Variants in ALX4 observed in about 807,000 individuals in gnomAD.
ALX4 encodes the protein ALX homeobox 4.
Under a neutral mutation model 40.6 loss-of-function variants are expected in ALX4, and 22 were observed. The ratio of observed to expected loss-of-function variants is 0.54; its 90% CI spans 0.39 to 0.77. The LOEUF (loss-of-function observed/expected upper bound fraction) is 0.77. Among genes scored for constraint, ALX4 ranks in the 30% least tolerant of loss-of-function variants. The pLI is 0.00. For synonymous variants in ALX4, 266 were observed against 240.5 expected (o/e 1.11, Z -0.98); for missense variants, 556 against 564.8 (o/e 0.98, Z 0.16).
intron 2 of ALX4, among the ~76,000 whole-genome samples, chr11:44,271,884 A>C (rs10838248): frequency 0.23 from 35,653 of 152,186 alleles, 4,251 homozygotes; most frequent in East Asian, 0.3. Flanking sequence ...GCATGCATGC[A>C]ACCCACATAT....
chr11:44,282,393 T>C (rs1956315090), intron 1 of ALX4, among the ~76,000 whole-genome samples: 1 of 152,172 alleles, frequency 6.6e-6, no homozygotes, highest in Non-Finnish European at 1.5e-5. Flanking sequence ...TCCATCACAG[T>C]GCAAACACTT....
intron 3 of ALX4, among the ~76,000 whole-genome samples, chr11:44,266,838 A>C (rs914995116): frequency 6.6e-6 from 1 of 152,136 alleles, no homozygotes; most frequent in Non-Finnish European, 1.5e-5. Context: ...ACACCTAGGG[A>C]AAATGCTCTG....
chr11:44,292,046 T>C (rs954098729), intron 1 of ALX4, among the ~76,000 whole-genome samples: 5 of 151,276 alleles, frequency 3.3e-5, no homozygotes, highest in Admixed American at 6.6e-5. Flanking sequence ...CTTGAACTCC[T>C]GACCTCGAGA....
intron 1 of ALX4, among the ~76,000 whole-genome samples, chr11:44,297,093 T>A (rs1956407227): frequency 1.4e-5 from 2 of 138,018 alleles, no homozygotes; most frequent in Admixed American, 1.5e-4. Flanking sequence ...GGGTGGGGGG[T>A]CAAGGGTGTG....
At chr11:44,283,291 T>TA (rs1371004930) in intron 1 of ALX4, among the ~76,000 whole-genome samples, 1 of 151,916 alleles carries the variant, frequency 6.6e-6, no homozygotes, top group Non-Finnish European at 1.5e-5. Flanking sequence ...TTTCAAATTT[T>TA]AAAAAATGTA....
At chr11:44,284,106 C>T (rs1956325138) in intron 1 of ALX4, among the ~76,000 whole-genome samples, 1 of 151,908 alleles carries the variant, frequency 6.6e-6, no homozygotes, top group Non-Finnish European at 1.5e-5. Context: ...AAATAAATCT[C>T]ATTTTGATCA....
At chr11:44,270,574 T>TG (rs1956240140) in intron 2 of ALX4, among the ~76,000 whole-genome samples, 2 of 152,076 alleles carry the variant, frequency 1.3e-5, no homozygotes, top group African/African-American at 4.8e-5. Flanking sequence ...TCCTGAGGCT[T>TG]GGAGTGTCCA....
chr11:44,273,978 C>A (rs912636722), intron 2 of ALX4, among the ~76,000 whole-genome samples: 6 of 151,472 alleles, frequency 4.0e-5, no homozygotes, highest in Non-Finnish European at 8.8e-5. Flanking sequence ...CAAAAATACC[C>A]AAAAGATAAA....
At chr11:44,274,399 G>GGTTGA (rs1313750713) in intron 2 of ALX4, among the ~76,000 whole-genome samples, 72 of 150,958 alleles carry the variant, frequency 4.8e-4, no homozygotes, top group African/African-American at 1.7e-3. Context: ...TGTTGTGTTG[G>GGTTGA]GTTGAGTTGA....
chr11:44,306,668 G>A (rs1956470452), intron 1 of ALX4, among the ~76,000 whole-genome samples: 1 of 152,230 alleles, frequency 6.6e-6, no homozygotes, highest in South Asian at 2.1e-4. Flanking sequence ...GAGCGTCTAA[G>A]GATTTTTCCT....
intron 3 of ALX4, among the ~76,000 whole-genome samples, chr11:44,266,761 G>A (rs1956216159): frequency 1.3e-5 from 2 of 152,134 alleles, no homozygotes; most frequent in Non-Finnish European, 1.5e-5. Context: ...AGCATCCCAT[G>A]TGCCTGATGT....
intron 1 of ALX4, among the ~76,000 whole-genome samples, chr11:44,309,069 C>G (rs577737773): frequency 3.4e-4 from 52 of 152,326 alleles, no homozygotes; most frequent in African/African-American, 1.3e-3. Flanking sequence ...CCGCCTGGCT[C>G]CGCACCTGCG....
chr11:44,278,085 AG>A (rs1391764871), intron 1 of ALX4, among the ~76,000 whole-genome samples: 1 of 151,772 alleles, frequency 6.6e-6, no homozygotes, highest in Non-Finnish European at 1.5e-5. Context: ...ACTTCCTGGA[AG>A]CCAGATGAGG....
At chr11:44,265,683 C>T (rs186362278) in intron 3 of ALX4, among the ~76,000 whole-genome samples, 9 of 152,080 alleles carry the variant, frequency 5.9e-5, no homozygotes, top group African/African-American at 9.6e-5. Context: ...GTGAGGTGGG[C>T]GGCAGGGACC....
At chr11:44,272,831 A>T (rs1163946138) in intron 2 of ALX4, among the ~76,000 whole-genome samples, 1 of 152,128 alleles carries the variant, frequency 6.6e-6, no homozygotes, top group African/African-American at 2.4e-5. Flanking sequence ...AATAAAAAAA[A>T]AATGGCAGGC....
rs185781739 is a variant in ALX4, at chr11:44,261,327, C to T, written c.*3527G>A. The T allele has an allele frequency of 1.3e-5, 2 of 152,208 alleles. No individual in the cohort carries two copies. Among genetic ancestry groups the T allele is most frequent in the Admixed American group, 6.5e-5 (1 of 15,292 alleles). 9.4% of individuals were successfully genotyped at this position (152,208 alleles called of 1,614,324 possible). On this transcript the variant is annotated 3_prime_UTR_variant, in exon 4 of 4. Transcript: ENST00000652299. The stretch of plus-strand genomic sequence containing the variant: ...TGGAAGCGTCCCTCGTCTGCCCAGC[C>T]GAAATGACAGGAGATGGGGCACGGA...
At chr11:44,271,034 C>T (rs1956243685) in intron 2 of ALX4, among the ~76,000 whole-genome samples, 2 of 152,168 alleles carry the variant, frequency 1.3e-5, no homozygotes, top group Admixed American at 1.3e-4. Context: ...ATCTTGGGGC[C>T]CCCATTGCCC....
At chr11:44,271,197 G>A (rs12288455) in intron 2 of ALX4, among the ~76,000 whole-genome samples, 28,186 of 152,160 alleles carry the variant, frequency 0.19, 2,993 homozygotes, top group African/African-American at 0.29. Flanking sequence ...TCAACCCAGA[G>A]GTCTGACGCA....
At chr11:44,266,176 A>C (rs1956212671) in intron 3 of ALX4, among the ~76,000 whole-genome samples, 2 of 152,066 alleles carry the variant, frequency 1.3e-5, no homozygotes, top group African/African-American at 4.8e-5. Context: ...GTTGGCCTCC[A>C]TCACCCCCTC....
Sources: allele counts gnomAD v4.1 joint callset (sites outside exome capture counted in the v4.1 genomes callset), GRCh38; gene constraint gnomAD v4.1.1; transcripts MANE v1.5; gene names NCBI Gene and HGNC (gene_info 2026-07-23, HGNC 2026-07-21).